CRIPT: variants seen among roughly 807,000 people sequenced by gnomAD.
CRIPT encodes CXXC repeat containing interactor of PDZ3 domain.
A neutral mutation model predicts 16.6 loss-of-function variants in CRIPT; 20 were observed. The observed-to-expected ratio is 1.20, with a 90% CI of 0.85 to 1.75. CRIPT has a LOEUF of 1.75. Ranked by LOEUF, CRIPT falls within the 40% of genes most tolerant of loss-of-function variation. The pLI is 0.00. For synonymous variants in CRIPT, 42 were observed against 37.0 expected (o/e 1.14, Z -0.49); for missense variants, 133 against 115.3 (o/e 1.15, Z -0.70).
At chr2:46,622,682 G>A (rs891176493) in intron 3 of CRIPT, among the ~76,000 whole-genome samples, 2 of 151,886 alleles carry the variant, frequency 1.3e-5, no homozygotes, top group African/African-American at 2.4e-5. Flanking sequence ...GCGTGGTAGC[G>A]CATGCCTGTA....
rs1423080400 is a variant in CRIPT at position 46,623,763 on chromosome 2, G to C, written c.138-1G>C. The C allele has an allele frequency of 2.5e-6, 4 of 1,584,664 alleles. No homozygotes were observed. Among genetic ancestry groups the C allele is most frequent in the Middle Eastern group, 1.7e-4 (1 of 5,962 alleles). On this transcript the variant is annotated splice_acceptor_variant, in intron 3 of 4. Transcript: ENST00000238892. LOFTEE classifies it high-confidence loss of function. Reference sequence around the variant, plus strand: ...TTTCTCTCTTTAAAAAAAATTTCTAGATTTGATCCATATGGAAAGAATAAG... The same window carrying C: ...TTTCTCTCTTTAAAAAAAATTTCTACATTTGATCCATATGGAAAGAATAAG...
Position 46,624,401 on chromosome 2 carries a change from C to A in CRIPT, c.*174C>A. ...TCTAAACAGCAACAGTGTAACTAGT[C>A]TTTTGTTGTAAATGGTTATTTTCCT... On this transcript the variant is annotated 3_prime_UTR_variant, in exon 5 of 5. Coordinates refer to ENST00000238892, the MANE Select transcript of CRIPT (RefSeq NM_014171.6). 1.8e-5 allele frequency: 7 copies of A among 387,506 alleles called. No individual in the cohort carries two copies. The highest frequency in any genetic ancestry group is 4.6e-6 in the Non-Finnish European group (1 of 217,544). The allele number at this position is 387,506 out of a possible 1,614,324, so 24.0% of individuals were successfully genotyped here. A position where few individuals can be genotyped will look rare whatever the true frequency, so the allele number is the denominator to read the frequency against.
chr2:46,621,211 G>A (rs1057461973), intron 3 of CRIPT, among the ~76,000 whole-genome samples: 1 of 152,020 alleles, frequency 6.6e-6, no homozygotes, highest in Non-Finnish European at 1.5e-5. Context: ...TAAAATTTAA[G>A]CCCCCTACCA....
intron 3 of CRIPT, among the ~76,000 whole-genome samples, chr2:46,620,733 T>A (rs1206708785): frequency 6.8e-6 from 1 of 147,866 alleles, no homozygotes; most frequent in African/African-American, 2.5e-5. Context: ...TATTATAATA[T>A]TATTATATAT....
At position 46,624,196 on chromosome 2, in the gene CRIPT, A is replaced by G. The variant is rs748070966; in HGVS notation, c.275A>G (p.Asp92Gly). The G allele has an allele frequency of 2.5e-6, 4 of 1,583,446 alleles. No individual in the cohort carries two copies. Among genetic ancestry groups the G allele is most frequent in the African/African-American group, 2.7e-5 (2 of 74,116 alleles). Residue 92 changes from aspartate to glycine, a missense_variant, in exon 5 of 5, where the codon GAT (aspartate) becomes GGT (glycine). Coordinates refer to ENST00000238892, the MANE Select transcript of CRIPT (RefSeq NM_014171.6). Reference protein sequence around the residue: ...ICAMCGKKVLDTKNYKQTSV With the variant: ...ICAMCGKKVLGTKNYKQTSV ...GCGATGTGTGGAAAAAAGGTTTTGG[A>G]TACCAAAAACTACAAGCAAACATCT...
rs767386164 is a variant in CRIPT, at chr2:46,626,075, G to A, written c.*1848G>A. On this transcript the variant is annotated 3_prime_UTR_variant, in exon 5 of 5. Coordinates refer to ENST00000238892, the MANE Select transcript of CRIPT (RefSeq NM_014171.6). The stretch of plus-strand genomic sequence containing the variant: ...GTAGTGAGCATAGAGTCCAACAGGT[G>A]GTTTTTCACCCCTTCCCTCCCCTCT... Among the ~76,000 whole-genome samples, 9 of 152,044 alleles carry A rather than the reference G, an allele frequency of 5.9e-5. No homozygotes were observed. The highest frequency in any genetic ancestry group is 1.3e-4 in the Non-Finnish European group (9 of 68,008).
chr2:46,619,729 G>A, intron 3 of CRIPT, 48 bp downstream of exon 3: 1 of 1,418,236 alleles, frequency 7.1e-7, no homozygotes, highest in Non-Finnish European at 9.9e-7. Context: ...CCTTCTTTTA[G>A]TATTAAGTCT....
intron 3 of CRIPT, among the ~76,000 whole-genome samples, chr2:46,623,043 A>T (rs1670849907): frequency 6.6e-6 from 1 of 152,110 alleles, no homozygotes; most frequent in Admixed American, 6.5e-5. Context: ...TCACTATAAG[A>T]TGGCATTTTT....
chr2:46,617,801 C>G (rs2104163547), intron 1 of CRIPT, among the ~76,000 whole-genome samples: 1 of 152,146 alleles, frequency 6.6e-6, no homozygotes, highest in Admixed American at 6.5e-5. Flanking sequence ...TATTATTTCC[C>G]TAACTTAAAA....
rs563160068 is a variant in CRIPT, at chr2:46,626,283, C to T, written c.*2056C>T. 2.6e-5 allele frequency among the ~76,000 whole-genome samples: 4 copies of T among 152,272 alleles called. No individual in the cohort carries two copies. Among genetic ancestry groups the T allele is most frequent in the African/African-American group, 7.2e-5 (3 of 41,556 alleles). Reference sequence around the variant, plus strand: ...ACATGATTTTCATTCTTTTTTATGGCTGCATAGTATTCTGTGGTGTATATG... The same window carrying T: ...ACATGATTTTCATTCTTTTTTATGGTTGCATAGTATTCTGTGGTGTATATG... On this transcript the variant is annotated 3_prime_UTR_variant, in exon 5 of 5. Coordinates refer to ENST00000238892, the MANE Select transcript of CRIPT (RefSeq NM_014171.6).
intron 2 of CRIPT, among the ~76,000 whole-genome samples, 166 bp downstream of exon 2, chr2:46,619,004 T>C (rs998556253): frequency 1.3e-5 from 2 of 152,200 alleles, no homozygotes; most frequent in Non-Finnish European, 2.9e-5. Context: ...TCTATTTAGT[T>C]CTCAGTTACT....
intron 1 of CRIPT, 119 bp downstream of exon 1, chr2:46,617,417 T>C: frequency 8.6e-7 from 1 of 1,164,864 alleles, no homozygotes; most frequent in Non-Finnish European, 1.2e-6. Flanking sequence ...TTCTATCCGC[T>C]GTCTTTCTAC....
chr2:46,617,649 T>A (rs1670697772), intron 1 of CRIPT, among the ~76,000 whole-genome samples: 1 of 152,158 alleles, frequency 6.6e-6, no homozygotes, highest in African/African-American at 2.4e-5. Flanking sequence ...ATGTAAGAAG[T>A]ATTGTTCTCC....
chr2:46,627,176 A>G lies in CRIPT; in HGVS notation c.*2949A>G, dbSNP rs905664955. Among the ~76,000 whole-genome samples, 3 of 152,062 alleles carry G rather than the reference A, an allele frequency of 2.0e-5. No individual in the cohort carries two copies. The highest frequency in any genetic ancestry group is 7.2e-5 in the African/African-American group (3 of 41,416). On this transcript the variant is annotated 3_prime_UTR_variant, in exon 5 of 5. Coordinates refer to ENST00000238892, the MANE Select transcript of CRIPT (RefSeq NM_014171.6). ...GTTTTCTGAATTGTTTTAGTTCCTT[A>G]TAGATTTTGGACATTAGACCTTTTT...
At position 46,629,152 on chromosome 2, in the gene CRIPT, G is replaced by T. The variant is rs781646558; in HGVS notation, c.*4925G>T. On this transcript the variant is annotated 3_prime_UTR_variant, in exon 5 of 5. Coordinates refer to ENST00000238892, the MANE Select transcript of CRIPT (RefSeq NM_014171.6). ...GAAAACACAGGAAGCTAATAGTACTGTTTTTCTCTGGAGTGGGTGTAAGGG... is the reference window on the plus strand; with the variant it reads ...GAAAACACAGGAAGCTAATAGTACTTTTTTTCTCTGGAGTGGGTGTAAGGG... 1.3e-5 allele frequency among the ~76,000 whole-genome samples: 2 copies of T among 152,214 alleles called. No homozygotes were observed. The highest frequency in any genetic ancestry group is 2.4e-5 in the African/African-American group (1 of 41,464).
chr2:46,620,767 C>T (rs1365579667), intron 3 of CRIPT, among the ~76,000 whole-genome samples: 1 of 150,076 alleles, frequency 6.7e-6, no homozygotes, highest in Non-Finnish European at 1.5e-5. Context: ...ATTTATACCT[C>T]TGGCCTGACT....
In CRIPT at chr2:46,627,875, C is replaced by T. The variant is rs551856980; in HGVS notation, c.*3648C>T. On this transcript the variant is annotated 3_prime_UTR_variant, in exon 5 of 5. Coordinates refer to ENST00000238892, the MANE Select transcript of CRIPT (RefSeq NM_014171.6). ...TTTATTGAATTAGGGAATCCTTTCT[C>T]TGTTGCTTATTTTTGTTAACTTTGT... Among the ~76,000 whole-genome samples, 169 of 152,292 alleles carry T rather than the reference C, an allele frequency of 1.1e-3. 2 individuals carry two copies. The highest frequency in any genetic ancestry group is 3.4e-3 in the African/African-American group (142 of 41,560).
At chr2:46,622,946 C>G (rs1232590666) in intron 3 of CRIPT, among the ~76,000 whole-genome samples, 1 of 151,802 alleles carries the variant, frequency 6.6e-6, no homozygotes, top group African/African-American at 2.4e-5. Flanking sequence ...ATTACAAAAA[C>G]TCATTTTGTA....
At chr2:46,617,400 T>A in intron 1 of CRIPT, 102 bp downstream of exon 1, 1 of 1,298,096 alleles carries the variant, frequency 7.7e-7, no homozygotes, top group Non-Finnish European at 1.1e-6. Context: ...CGCCCACAGG[T>A]CTCAGATTCT....
Sources: allele counts gnomAD v4.1 joint callset (sites outside exome capture counted in the v4.1 genomes callset), GRCh38; gene constraint gnomAD v4.1.1; transcripts MANE v1.5; gene names NCBI Gene and HGNC (gene_info 2026-07-23, HGNC 2026-07-21).